Variants in NKAIN3 observed in about 807,000 individuals in gnomAD.
NKAIN3 encodes the protein sodium/potassium-transporting ATPase subunit beta-1-interacting protein 3.
NKAIN3 carries 25 observed loss-of-function variants against 30.2 expected under a neutral mutation model. That is an observed-to-expected ratio of 0.83 (90% CI 0.60 to 1.16). The LOEUF is 1.16. Among genes scored for constraint, NKAIN3 ranks in the 50% most tolerant of loss-of-function variants. The pLI is 0.00. For missense variants in NKAIN3, 225 were observed against 254.1 expected (o/e 0.89, Z 0.78); for synonymous variants, 91 against 89.6 (o/e 1.02, Z -0.09).
intron 5 of NKAIN3, among the ~76,000 whole-genome samples, chr8:62,952,146 T>A (rs1281999240): frequency 6.6e-6 from 1 of 152,192 alleles, no homozygotes; most frequent in Non-Finnish European, 1.5e-5. Flanking sequence ...AAAACTCTGA[T>A]ATTATTTTAA....
At chr8:62,504,141 G>T (rs564029392) in intron 1 of NKAIN3, among the ~76,000 whole-genome samples, 4 of 152,268 alleles carry the variant, frequency 2.6e-5, no homozygotes, top group African/African-American at 9.6e-5. Flanking sequence ...AACTGCACAT[G>T]CAAGGGATCT....
At chr8:62,755,721 C>T (rs1045139686) in intron 4 of NKAIN3, among the ~76,000 whole-genome samples, 2 of 152,054 alleles carry the variant, frequency 1.3e-5, no homozygotes, top group African/African-American at 4.8e-5. Flanking sequence ...CTAGATAGAA[C>T]TATTAAAGAT....
intron 3 of NKAIN3, among the ~76,000 whole-genome samples, chr8:62,725,808 G>T (rs920173298): frequency 3.0e-4 from 46 of 152,104 alleles, no homozygotes; most frequent in Middle Eastern, 3.4e-3. Context: ...TTCTGTTCAG[G>T]ATAGCTTTGG....
chr8:62,763,658 G>A (rs1816744764), intron 4 of NKAIN3, among the ~76,000 whole-genome samples: 1 of 152,140 alleles, frequency 6.6e-6, no homozygotes, highest in East Asian at 1.9e-4. Flanking sequence ...AATAAGCAGG[G>A]AACTGTGTTG....
At chr8:62,997,759 A>ATT in intron 5 of NKAIN3, among the ~76,000 whole-genome samples, 1 of 151,510 alleles carries the variant, frequency 6.6e-6, no homozygotes, top group African/African-American at 2.4e-5. Flanking sequence ...TTTCTTTAAA[A>ATT]AAAAAAAAAA....
At position 62,613,692 on chromosome 8, in the gene NKAIN3, A is replaced by G. The variant is rs887537586; in HGVS notation, c.273+23898A>G. Among the ~76,000 whole-genome samples the G allele has an allele frequency of 3.3e-5, 5 of 152,052 alleles. No homozygotes were observed. The East Asian group carries it at 9.7e-4, about 30-fold the overall frequency. On this transcript the variant is annotated intron_variant, in intron 3 of 6. Coordinates refer to ENST00000623646, the MANE Select transcript of NKAIN3 (RefSeq NM_001304533.3). ...AGGCCATTTTCTAGATTGTTTAGGC[A>G]TGTTTTATTGTTTTTTATTCCTTTT...
chr8:62,945,585 G>T (rs1823100586), intron 5 of NKAIN3, among the ~76,000 whole-genome samples: 1 of 152,162 alleles, frequency 6.6e-6, no homozygotes, highest in Admixed American at 6.5e-5. Context: ...GAGAAGCAAG[G>T]TCCAGAATGG....
intron 1 of NKAIN3, among the ~76,000 whole-genome samples, chr8:62,424,159 T>C (rs1325098853): frequency 1.3e-5 from 2 of 151,888 alleles, no homozygotes; most frequent in Non-Finnish European, 2.9e-5. Context: ...TATACAAAAA[T>C]GAACTCAATT....
At chr8:62,385,140 A>G (rs1292473839) in intron 1 of NKAIN3, among the ~76,000 whole-genome samples, 1 of 152,160 alleles carries the variant, frequency 6.6e-6, no homozygotes, top group Non-Finnish European at 1.5e-5. Flanking sequence ...AGTTTCCCAG[A>G]GGAATAAGTA....
chr8:62,666,503 G>C (rs1379082772), intron 3 of NKAIN3, among the ~76,000 whole-genome samples: 1 of 152,058 alleles, frequency 6.6e-6, no homozygotes, highest in African/African-American at 2.4e-5. Context: ...TATGAAGGAA[G>C]ATTATGTATG....
chr8:62,565,765 T>A (rs1809729776), intron 1 of NKAIN3, among the ~76,000 whole-genome samples: 1 of 152,148 alleles, frequency 6.6e-6, no homozygotes, highest in South Asian at 2.1e-4. Context: ...AAAATGCATT[T>A]AATACACTGA....
At chr8:62,558,941 C>A (rs1215105062) in intron 1 of NKAIN3, among the ~76,000 whole-genome samples, 2 of 151,932 alleles carry the variant, frequency 1.3e-5, no homozygotes, top group Non-Finnish European at 2.9e-5. Context: ...TTGAAGATAG[C>A]TTAATTAGAA....
intron 4 of NKAIN3, among the ~76,000 whole-genome samples, chr8:62,753,581 AT>A (rs1273384657): frequency 3.3e-5 from 5 of 152,278 alleles, no homozygotes; most frequent in Middle Eastern, 3.4e-3. Context: ...TTGGTATAAA[AT>A]ATAATTATTG....
Position 62,579,576 on chromosome 8 carries a change from G to GTTTCCA in NKAIN3, c.93_98dup (p.Phe32_Gln33insHisPhe). 2 of 1,610,498 alleles carry GTTTCCA rather than the reference G, an allele frequency of 1.2e-6. No individual in the cohort carries two copies. Among genetic ancestry groups the GTTTCCA allele is most frequent in the Non-Finnish European group, 1.7e-6 (2 of 1,178,074 alleles). The stretch of plus-strand genomic sequence containing the variant: ...GAGAGGCAGATCTTTGACTTCCTTG[G>GTTTCCA]TTTCCAGTGGGCGCCTATTCTTGGA... On this transcript the variant is annotated inframe_insertion, in exon 2 of 7. Coordinates refer to ENST00000623646, the MANE Select transcript of NKAIN3 (RefSeq NM_001304533.3).
intron 1 of NKAIN3, among the ~76,000 whole-genome samples, chr8:62,267,884 A>G (rs942029202): frequency 2.6e-5 from 4 of 152,222 alleles, no homozygotes; most frequent in Non-Finnish European, 4.4e-5. Flanking sequence ...CATTTATAGC[A>G]ACTTTAATGT....
intron 1 of NKAIN3, among the ~76,000 whole-genome samples, chr8:62,291,653 C>A (rs1014527001): frequency 1.3e-5 from 2 of 152,136 alleles, no homozygotes; most frequent in African/African-American, 4.8e-5. Flanking sequence ...TGCTTTACTT[C>A]GAACTATGTG....
intron 3 of NKAIN3, among the ~76,000 whole-genome samples, chr8:62,721,007 C>G (rs1815071248): frequency 6.6e-6 from 1 of 152,206 alleles, no homozygotes; most frequent in East Asian, 1.9e-4. Context: ...AGAGCATATA[C>G]TGACCTCTGA....
At chr8:62,563,436 T>G (rs1483296071) in intron 1 of NKAIN3, among the ~76,000 whole-genome samples, 2 of 152,140 alleles carry the variant, frequency 1.3e-5, no homozygotes, top group Non-Finnish European at 2.9e-5. Flanking sequence ...ATGAGAGTAT[T>G]CACTCCCTAA....
At chr8:62,810,020 C>T (rs772918123) in intron 4 of NKAIN3, among the ~76,000 whole-genome samples, 16 of 152,098 alleles carry the variant, frequency 1.1e-4, no homozygotes, top group Non-Finnish European at 1.9e-4. Context: ...GGAAATCTTC[C>T]TCACAGGGTC....
Sources: allele counts gnomAD v4.1 joint callset (sites outside exome capture counted in the v4.1 genomes callset), GRCh38; gene constraint gnomAD v4.1.1; transcripts MANE v1.5; gene names NCBI Gene and HGNC (gene_info 2026-07-23, HGNC 2026-07-21).